RNF175: variants seen among roughly 807,000 people sequenced by gnomAD.
The protein encoded by RNF175 is ring finger protein 175.
Under a neutral mutation model 50.0 loss-of-function variants are expected in RNF175, and 38 were observed. That is an observed-to-expected ratio of 0.76 (90% CI 0.59 to 1.00). RNF175 has a LOEUF of 1.00. RNF175 is among the 50% of genes least tolerant of loss of function. RNF175 has a pLI of 0.00. For missense variants in RNF175, 388 were observed against 409.6 expected (o/e 0.95, Z 0.46); for synonymous variants, 155 against 146.1 (o/e 1.06, Z -0.44).
chr4:153,716,201 CA>C (rs1737918815), intron 6 of RNF175, among the ~76,000 whole-genome samples: 1 of 152,090 alleles, frequency 6.6e-6, no homozygotes, highest in Admixed American at 6.6e-5. Flanking sequence ...CAAAGGGACC[CA>C]AAGCACATTG....
chr4:153,758,578 G>C (rs1436039145), intron 1 of RNF175, among the ~76,000 whole-genome samples: 2 of 152,062 alleles, frequency 1.3e-5, no homozygotes, highest in Non-Finnish European at 2.9e-5. Flanking sequence ...CCTCCCTTTC[G>C]ATAATCTGGG....
At chr4:153,718,717 C>G (rs926731867) in intron 6 of RNF175, among the ~76,000 whole-genome samples, 1 of 152,170 alleles carries the variant, frequency 6.6e-6, no homozygotes, top group Non-Finnish European at 1.5e-5. Context: ...AATAAAAATA[C>G]TCCTTCCTGT....
At chr4:153,738,326 G>C (rs1166955782) in intron 3 of RNF175, among the ~76,000 whole-genome samples, 1 of 151,962 alleles carries the variant, frequency 6.6e-6, no homozygotes, top group African/African-American at 2.4e-5. Flanking sequence ...TGGAACTACA[G>C]GTGCCTGCCG....
chr4:153,742,520 G>A (rs114573298), intron 3 of RNF175, among the ~76,000 whole-genome samples: 152 of 152,078 alleles, frequency 1.0e-3, no homozygotes, highest in African/African-American at 3.3e-3. Context: ...GGATGCTTTC[G>A]GAGTCAACTA....
At position 153,753,567 on chromosome 4, in the gene RNF175, T is replaced by C. The variant is rs1426086852; in HGVS notation, c.67-2092A>G. 3.3e-5 allele frequency among the ~76,000 whole-genome samples: 5 copies of C among 151,838 alleles called. No homozygotes were observed. In the South Asian group the frequency reaches 1.0e-3, roughly 32 times the overall value. ...TTCTCTCTCTCTCTCTCTCTTTTTT[T>C]TTTTCCCGAGGTGGAGTCTTGCTTT... On this transcript the variant is annotated intron_variant, in intron 1 of 8. Transcript: ENST00000347063.
chr4:153,752,054 G>A (rs745607836), intron 1 of RNF175, among the ~76,000 whole-genome samples: 28 of 152,202 alleles, frequency 1.8e-4, no homozygotes, highest in Non-Finnish European at 3.8e-4. Context: ...AATTGAGCTG[G>A]AAAGCACAGA....
chr4:153,721,153 GCCAGT>G (rs1252381702), intron 5 of RNF175, among the ~76,000 whole-genome samples: 1 of 130,326 alleles, frequency 7.7e-6, no homozygotes, highest in African/African-American at 2.7e-5. Context: ...CATCCCCCCA[GCCAGT>G]TTTTTTTTTT....
chr4:153,759,711 ACCAGTCTGTGCAGCCTGC>A, intron 1 of RNF175, 68 bp downstream of exon 1: 1 of 878,386 alleles, frequency 1.1e-6, no homozygotes, highest in East Asian at 3.3e-5. Flanking sequence ...GGTCTTGGAG[ACCAGTCTGTGCAGCCTGC>A]CCGGCACCAG....
intron 3 of RNF175, among the ~76,000 whole-genome samples, chr4:153,732,138 G>A (rs530090089): frequency 8.6e-5 from 13 of 151,970 alleles, no homozygotes; most frequent in Admixed American, 2.0e-4. Flanking sequence ...TGGCTGAAGC[G>A]TGAGAGTTGT....
At chr4:153,759,749 C>T in intron 1 of RNF175, 48 bp downstream of exon 1, 2 of 1,301,020 alleles carry the variant, frequency 1.5e-6, no homozygotes. Flanking sequence ...GCGTGAGCCC[C>T]GGGACCCCGG....
chr4:153,730,969 A>G (rs553644440), intron 3 of RNF175, among the ~76,000 whole-genome samples: 1 of 152,236 alleles, frequency 6.6e-6, no homozygotes, highest in Non-Finnish European at 1.5e-5. Flanking sequence ...ATGTACAGAC[A>G]TTGTACTTTT....
intron 4 of RNF175, among the ~76,000 whole-genome samples, chr4:153,726,605 C>G (rs1273647614): frequency 6.6e-6 from 1 of 152,200 alleles, no homozygotes; most frequent in African/African-American, 2.4e-5. Flanking sequence ...ATTTCTTCAT[C>G]CAGCTCCCCT....
In RNF175 at chr4:153,748,686, C is replaced by T. The variant is rs760503713; in HGVS notation, c.205G>A (p.Val69Met). The T allele has an allele frequency of 2.5e-6, 4 of 1,604,780 alleles. No homozygotes were observed. Among genetic ancestry groups the T allele is most frequent in the Non-Finnish European group, 3.4e-6 (4 of 1,175,794 alleles). ...TGCCTCTGTCTCCACTGAACCAGCA[C>T]TATCTGGGCAATGACCAGAACGCAG... ...FLCVLVIAQI[V>M]LVQWRQRHGR... Residue 69 changes from valine to methionine, a missense_variant, in exon 3 of 9, where the codon GTG becomes ATG. Physicochemically the swap from Val to Met is conservative, Grantham distance 21. Transcript: ENST00000347063.
rs373512374 is a variant in RNF175, at chr4:153,748,747, G to A, written c.144C>T (p.His48=). The A allele has an allele frequency of 4.6e-5, 74 of 1,611,718 alleles. No individual in the cohort carries two copies. Among genetic ancestry groups the A allele is most frequent in the Non-Finnish European group, 5.5e-5 (65 of 1,179,060 alleles). ...QERMYKMHRG[H]DSMHVEMILI... ...AGATCATTTCCACGTGCATGGAATCGTGGCCCCGGTGCATCTTGTACATCC... is the reference window on the plus strand; with the variant it reads ...AGATCATTTCCACGTGCATGGAATCATGGCCCCGGTGCATCTTGTACATCC... The change falls in exon 3 of 9, where the codon CAC becomes CAT. Residue 48 remains histidine, a synonymous_variant. Coordinates refer to ENST00000347063, the MANE Select transcript of RNF175 (RefSeq NM_173662.4).
At chr4:153,727,922 A>C (rs192376581) in intron 4 of RNF175, among the ~76,000 whole-genome samples, 16 of 152,368 alleles carry the variant, frequency 1.1e-4, no homozygotes, top group African/African-American at 3.6e-4. Context: ...ACTTGCAAAT[A>C]ATGCTCTAGA....
rs571375117 is a variant in RNF175, at chr4:153,749,688, C to A, written c.105-902G>T. Among the ~76,000 whole-genome samples the A allele has an allele frequency of 2.6e-5, 4 of 152,248 alleles. No individual in the cohort carries two copies. In the South Asian group the frequency reaches 8.3e-4, roughly 32 times the overall value. On this transcript the variant is annotated intron_variant, in intron 2 of 8. Coordinates refer to ENST00000347063, the MANE Select transcript of RNF175 (RefSeq NM_173662.4). The stretch of plus-strand genomic sequence containing the variant: ...GAAAACCTAGAGCAGTCGTTCTTGA[C>A]CTTGTCTGTAAGTTAGGAAACACTG...
intron 3 of RNF175, among the ~76,000 whole-genome samples, chr4:153,740,148 T>G (rs1739571016): frequency 6.7e-6 from 1 of 150,308 alleles, no homozygotes; most frequent in South Asian, 2.1e-4. Flanking sequence ...ATTCAAGACA[T>G]TCTTCCTTTC....
intron 6 of RNF175, among the ~76,000 whole-genome samples, chr4:153,718,230 G>GTTTTTTTTTTTTTTTTTTTTTT (rs1272804247): frequency 9.4e-5 from 3 of 31,844 alleles, no homozygotes; most frequent in African/African-American, 2.5e-4. Flanking sequence ...TTGTTTGTTT[G>GTTTTTTTTTTTTTTTTTTTTTT]TTTGTTTGTT....
intron 2 of RNF175, among the ~76,000 whole-genome samples, 199 bp downstream of exon 2, chr4:153,751,239 A>C (rs940507771): frequency 3.9e-5 from 6 of 152,230 alleles, no homozygotes; most frequent in African/African-American, 9.6e-5. Flanking sequence ...GTGGGACTGC[A>C]TGATCTTTTT....
Sources: allele counts gnomAD v4.1 joint callset (sites outside exome capture counted in the v4.1 genomes callset), GRCh38; gene constraint gnomAD v4.1.1; transcripts MANE v1.5; gene names NCBI Gene and HGNC (gene_info 2026-07-23, HGNC 2026-07-21).